PRPF18: variants seen among roughly 807,000 people sequenced by gnomAD.
PRPF18 encodes pre-mRNA processing factor 18, also known as pre-mRNA-splicing factor 18.
PRPF18 carries 38 observed loss-of-function variants against 46.5 expected under a neutral mutation model. The ratio of observed to expected loss-of-function variants is 0.82; its 90% CI spans 0.63 to 1.07. The LOEUF (loss-of-function observed/expected upper bound fraction) is 1.07. Ranked by LOEUF, PRPF18 falls within the 50% of genes least tolerant of loss-of-function variation. The pLI is 0.00. For synonymous variants in PRPF18, 152 were observed against 146.7 expected, an observed-to-expected ratio of 1.04 and a Z score of -0.26; for missense variants, 263 against 410.0, an observed-to-expected ratio of 0.64 and a Z score of 3.10.
At chr10:13,638,470 A>G in the PRPF18 span, among the ~76,000 whole-genome samples, 1 of 152,014 alleles carries the variant, frequency 6.6e-6, no homozygotes, top group East Asian at 1.9e-4. Context: ...ACAGTTATGG[A>G]GGCTAAGTCC....
At chr10:13,601,648 A>G (rs2080111815) in intron 3 of PRPF18, among the ~76,000 whole-genome samples, 1 of 151,986 alleles carries the variant, frequency 6.6e-6, no homozygotes. Context: ...AGGCCATTTT[A>G]TGTTGGGGGG....
chr10:13,599,236 A>T (rs1295202239), intron 2 of PRPF18, among the ~76,000 whole-genome samples: 1 of 152,124 alleles, frequency 6.6e-6, no homozygotes, highest in Admixed American at 6.6e-5. Context: ...TGCTGATTTG[A>T]CCTGTGAAAA....
chr10:13,591,673 G>T, intron 1 of PRPF18: 1 of 637,680 alleles, frequency 1.6e-6, no homozygotes, highest in Non-Finnish European at 2.8e-6. Flanking sequence ...GCTGCTGCTT[G>T]AATAAGCATC....
At chr10:13,633,073 C>T (rs1298276119), downstream of PRPF18, among the ~76,000 whole-genome samples, 1 of 152,150 alleles carries the variant, frequency 6.6e-6, no homozygotes, top group Non-Finnish European at 1.5e-5. Context: ...ATAGAGCCTG[C>T]AACAATCTGG....
intron 8 of PRPF18, 80 bp from the exon 9 acceptor site, chr10:13,616,318 G>A (rs2080341028): frequency 1.4e-6 from 2 of 1,388,612 alleles, no homozygotes; most frequent in East Asian, 2.3e-5. Flanking sequence ...ATCATAAAGG[G>A]CTGTGAAATA....
At chr10:13,610,796 C>G (rs2080258841) in intron 5 of PRPF18, among the ~76,000 whole-genome samples, 1 of 152,106 alleles carries the variant, frequency 6.6e-6, no homozygotes, top group Admixed American at 6.6e-5. Flanking sequence ...TAAGTACTGC[C>G]AAGTTACTCT....
the PRPF18 span, chr10:13,654,065 T>C: frequency 2.2e-6 from 1 of 448,860 alleles, no homozygotes; most frequent in East Asian, 3.7e-5. Context: ...CCCCCTGACA[T>C]TCTTGCCTGG....
intron 9 of PRPF18, among the ~76,000 whole-genome samples, chr10:13,618,640 A>G (rs2080380184): frequency 6.6e-6 from 1 of 150,974 alleles, no homozygotes; most frequent in African/African-American, 2.4e-5. Context: ...AAAAAAAAAA[A>G]AGAAAGAATT....
chr10:13,593,619 A>C (rs999416538), intron 1 of PRPF18, among the ~76,000 whole-genome samples: 2 of 152,230 alleles, frequency 1.3e-5, no homozygotes, highest in African/African-American at 4.8e-5. Flanking sequence ...GGAAGGATGA[A>C]TATGCGAAGG....
chr10:13,648,625 G>A, the PRPF18 span: 1 of 152,146 alleles, frequency 6.6e-6, no homozygotes, highest in East Asian at 1.9e-4. Flanking sequence ...CTGAGAACTA[G>A]GTTAACAGGA....
the PRPF18 span, chr10:13,645,273 C>T: frequency 6.6e-6 from 1 of 152,094 alleles, no homozygotes; most frequent in Non-Finnish European, 1.5e-5. Flanking sequence ...TCTGCTTTCC[C>T]ACAAAACTAC....
intron 1 of PRPF18, among the ~76,000 whole-genome samples, chr10:13,595,094 G>T (rs1389496912): frequency 6.6e-6 from 1 of 152,116 alleles, no homozygotes; most frequent in African/African-American, 2.4e-5. Flanking sequence ...CAGTTTGAAG[G>T]CCTTGCCTTT....
At chr10:13,598,476 A>G (rs2080064609) in intron 2 of PRPF18, among the ~76,000 whole-genome samples, 1 of 152,208 alleles carries the variant, frequency 6.6e-6, no homozygotes, top group African/African-American at 2.4e-5. Flanking sequence ...AGGAATGCAC[A>G]TGGTATGTAT....
chr10:13,597,490 C>T lies in PRPF18; in HGVS notation c.99C>T (p.Leu33=), dbSNP rs2502213. ...AAAAATATTTCAAGCGTAGTGAGCTCGCCAAAAAAGAAGAGGAAGCATATT... is the reference window on the plus strand; with the variant it reads ...AAAAATATTTCAAGCGTAGTGAGCTTGCCAAAAAAGAAGAGGAAGCATATT... ...ENKKYFKRSE[L]AKKEEEAYFE... Residue 33 remains leucine (L), a synonymous_variant, in exon 2 of 10, where the codon CTC becomes CTT. Coordinates refer to ENST00000378572, the MANE Select transcript of PRPF18 (RefSeq NM_003675.4). 8,052 of 1,608,644 alleles carry T rather than the reference C, an allele frequency of 5.0e-3. 347 individuals are homozygous for T. The African/African-American group carries it at 0.091, about 18-fold the overall frequency.
In PRPF18 at chr10:13,630,440, T is replaced by A; in HGVS notation, c.*100T>A. The A allele has an allele frequency of 1.0e-6, 1 of 961,274 alleles. No homozygotes were observed. Among genetic ancestry groups the A allele is most frequent in the East Asian group, 2.6e-5 (1 of 38,164 alleles). The allele number at this position is 961,274 out of a possible 1,614,324, so 59.5% of individuals were successfully genotyped here. On this transcript the variant is annotated 3_prime_UTR_variant, in exon 10 of 10. Transcript: ENST00000378572. ...GAATGAGGAAAGAAGAAAACTGGAG[T>A]TTCCAGTCTCTGAGTTCTACCTGAT...
rs1266333607 is a variant in PRPF18 at position 13,609,922 on chromosome 10, G to C, written c.364-117G>C. ...TGATGTGATTTGAGTCCCTACTTTTGCTGAACTCTTCTTGTGGGGGAAAAA... is the reference window on the plus strand; with the variant it reads ...TGATGTGATTTGAGTCCCTACTTTTCCTGAACTCTTCTTGTGGGGGAAAAA... On this transcript the variant is annotated intron_variant, in intron 4 of 9. Coordinates refer to ENST00000378572, the MANE Select transcript of PRPF18 (RefSeq NM_003675.4). 4.6e-6 allele frequency: 5 copies of C among 1,087,816 alleles called. No homozygotes were observed. In the East Asian group the frequency reaches 1.2e-4, roughly 26 times the overall value. 67.4% of individuals were successfully genotyped at this position (1,087,816 alleles called of 1,614,324 possible).
the PRPF18 span, chr10:13,651,142 T>TAGGTTC: frequency 3.9e-5 from 6 of 152,362 alleles, no homozygotes; most frequent in East Asian, 1.9e-4. Flanking sequence ...AAATGCACAT[T>TAGGTTC]AGGTTCAGTA....
At chr10:13,647,972 C>CAAAGT in the PRPF18 span, 1 of 152,140 alleles carries the variant, frequency 6.6e-6, no homozygotes, top group South Asian at 2.1e-4. Context: ...GACCCTAACC[C>CAAAGT]AAAGTAGTTC....
chr10:13,645,529 C>G, the PRPF18 span: 1 of 152,638 alleles, frequency 6.6e-6, no homozygotes, highest in Admixed American at 6.5e-5. Context: ...AAGCATAGCT[C>G]AAAACATGTA....
Sources: allele counts gnomAD v4.1 joint callset (sites outside exome capture counted in the v4.1 genomes callset), GRCh38; gene constraint gnomAD v4.1.1; transcripts MANE v1.5; gene names NCBI Gene and HGNC (gene_info 2026-07-23, HGNC 2026-07-21).